Variants in MYZAP observed in about 807,000 individuals in gnomAD.
MYZAP encodes the protein GRINL1A complex locus upstream.
A neutral mutation model predicts 69.4 loss-of-function variants in MYZAP; 66 were observed. The ratio of observed to expected loss-of-function variants is 0.95; its 90% confidence interval spans 0.78 to 1.17. MYZAP has a LOEUF of 1.17. MYZAP is among the 50% of genes most tolerant of loss of function. The pLI is 0.00. For missense variants in MYZAP, 611 were observed against 556.2 expected, an observed-to-expected ratio of 1.10 and a Z score of -0.99; for synonymous variants, 256 against 205.9, an observed-to-expected ratio of 1.24 and a Z score of -2.09.
chr15:57,656,813 A>G (rs996191882), intron 10 of MYZAP, among the ~76,000 whole-genome samples: 5 of 152,232 alleles, frequency 3.3e-5, no homozygotes, highest in African/African-American at 1.2e-4. Context: ...ATAAAAGCAA[A>G]TCTGCACAGA....
rs143229680 is a variant in MYZAP, at chr15:57,611,402, C to T, written c.163-6631C>T. The stretch of plus-strand genomic sequence containing the variant: ...AAGGTTACCGAAGGTGTGTACTATA[C>T]CCCTGGGTTCCAGAAAAGCAGTTCC... On this transcript the variant is annotated intron_variant, in intron 2 of 12. Coordinates refer to ENST00000267853, the MANE Select transcript of MYZAP (RefSeq NM_001018100.5). Among the ~76,000 whole-genome samples the T allele has an allele frequency of 2.2e-3, 330 of 152,286 alleles. 2 individuals carry two copies. The highest frequency in any genetic ancestry group is 7.2e-3 in the African/African-American group (300 of 41,548).
At chr15:57,601,274 T>TTGTGTGTGTGTGTG (rs10679285) in intron 1 of MYZAP, among the ~76,000 whole-genome samples, 9 of 148,248 alleles carry the variant, frequency 6.1e-5, no homozygotes, top group African/African-American at 2.2e-4. Context: ...GTGTGCACAC[T>TTGTGTGTGTGTGTG]TGTGTGTGTG....
chr15:57,647,418 T>A (rs1483768692), intron 10 of MYZAP: 1 of 985,446 alleles, frequency 1.0e-6, no homozygotes. Flanking sequence ...ACGCCTTTAT[T>A]GCTGTAATGT....
At chr15:57,638,393 A>G (rs185148656) in intron 9 of MYZAP, among the ~76,000 whole-genome samples, 2 of 152,168 alleles carry the variant, frequency 1.3e-5, no homozygotes, top group Non-Finnish European at 2.9e-5. Context: ...GACGGGTATG[A>G]CGGTGATAAC....
rs1278596147 is a variant in MYZAP at position 57,684,936 on chromosome 15, G to A, written c.*438G>A. ...TTAGAGGCAGCGTTTCTCTGATACA[G>A]AGAGGCCTGTCCACAAGAAGCATGG... On this transcript the variant is annotated 3_prime_UTR_variant, in exon 13 of 13. Transcript: ENST00000267853. 6.5e-6 allele frequency: 1 copy of A among 154,738 alleles called. No individual in the cohort carries two copies. Among genetic ancestry groups the A allele is most frequent in the Admixed American group, 6.4e-5 (1 of 15,618 alleles). The allele number at this position is 154,738 out of a possible 1,614,324, so 9.6% of individuals were successfully genotyped here.
At position 57,633,671 on chromosome 15, in the gene MYZAP, C is replaced by T; in HGVS notation, c.863C>T (p.Ala288Val). 6.2e-7 allele frequency: 1 copy of T among 1,613,390 alleles called. No individual in the cohort carries two copies. Among genetic ancestry groups the T allele is most frequent in the Non-Finnish European group, 8.5e-7 (1 of 1,179,720 alleles). The change falls in exon 8 of 13, where the codon GCA becomes GTA. Residue 288 changes from alanine to valine, a missense_variant. Ala to Val is a moderately conservative substitution (Grantham distance 64, BLOSUM62 0). Coordinates refer to ENST00000267853, the MANE Select transcript of MYZAP (RefSeq NM_001018100.5). ...IEEANKKMQAAEISLEEKDQR... is the reference protein window; with the variant it reads ...IEEANKKMQAVEISLEEKDQR... ...GAAGCCAATAAAAAGATGCAAGCAGCAGAGATCAGCCTAGAGGAGAAAGAC... is the reference window on the plus strand; with the variant it reads ...GAAGCCAATAAAAAGATGCAAGCAGTAGAGATCAGCCTAGAGGAGAAAGAC...
At chr15:57,607,096 G>A (rs1394463145) in intron 2 of MYZAP, among the ~76,000 whole-genome samples, 1 of 152,214 alleles carries the variant, frequency 6.6e-6, no homozygotes, top group Non-Finnish European at 1.5e-5. Flanking sequence ...CTGTGTCCAG[G>A]TGCTCAGAGC....
At chr15:57,611,797 A>G (rs1595864402) in intron 2 of MYZAP, among the ~76,000 whole-genome samples, 1 of 152,138 alleles carries the variant, frequency 6.6e-6, no homozygotes, top group Non-Finnish European at 1.5e-5. Flanking sequence ...GGCTATTCCC[A>G]GGTGCAATCA....
Position 57,633,705 on chromosome 15 carries a change from C to T in MYZAP, c.897C>T (p.Ile299=), listed in dbSNP as rs771663802. ...GCCTAGAGGAGAAAGACCAGAGGAT[C>T]GGGGAGCTGGACAGGCTGATTGAGC... ...EISLEEKDQR[I]GELDRLIERM... Residue 299 remains isoleucine (I), a synonymous_variant, in exon 8 of 13, where the codon ATC becomes ATT. Transcript: ENST00000267853. The T allele has an allele frequency of 5.6e-6, 9 of 1,612,190 alleles. No individual in the cohort carries two copies. In the Admixed American group the frequency reaches 8.4e-5, roughly 15 times the overall value.
chr15:57,667,437 A>G lies in MYZAP; in HGVS notation c.1203+5904A>G, dbSNP rs1421959294. On this transcript the variant is annotated intron_variant, in intron 11 of 12. Transcript: ENST00000267853. ...CATTGGGTTGGTATTCGTTACACAT[A>G]TAAACACAAGGGGGTGGTGTTTGAA... 5.3e-5 allele frequency among the ~76,000 whole-genome samples: 8 copies of G among 152,210 alleles called. No individual in the cohort carries two copies. In the South Asian group the frequency reaches 1.7e-3, roughly 32 times the overall value.
At chr15:57,609,392 C>G (rs1010725793) in intron 2 of MYZAP, among the ~76,000 whole-genome samples, 1 of 152,188 alleles carries the variant, frequency 6.6e-6, no homozygotes, top group Non-Finnish European at 1.5e-5. Context: ...GAGAATTTTT[C>G]TTTGCCGCTT....
At chr15:57,612,312 C>T (rs1297204927) in intron 2 of MYZAP, among the ~76,000 whole-genome samples, 3 of 152,178 alleles carry the variant, frequency 2.0e-5, no homozygotes, top group Admixed American at 6.5e-5. Context: ...GCTGCCCCTC[C>T]TGGCTGGTGG....
intron 10 of MYZAP, chr15:57,648,193 T>A: frequency 4.1e-6 from 4 of 985,208 alleles, no homozygotes; most frequent in Non-Finnish European, 4.8e-6. Flanking sequence ...TGTGGCAGCC[T>A]TTTTTCTGTA....
At chr15:57,620,860 C>G (rs770364782) in intron 3 of MYZAP, among the ~76,000 whole-genome samples, 10 of 151,956 alleles carry the variant, frequency 6.6e-5, no homozygotes, top group Non-Finnish European at 8.8e-5. Flanking sequence ...GGGAAAAGGG[C>G]AAAACTTTGC....
At position 57,591,921 on chromosome 15, in the gene MYZAP, G is replaced by C; in HGVS notation, c.-114G>C. 9.7e-7 allele frequency: 1 copy of C among 1,027,938 alleles called. No homozygotes were observed. Among genetic ancestry groups the C allele is most frequent in the Non-Finnish European group, 1.2e-6 (1 of 812,044 alleles). 63.7% of individuals were successfully genotyped at this position (1,027,938 alleles called of 1,614,324 possible). On this transcript the variant is annotated 5_prime_UTR_variant, in exon 1 of 13. Coordinates refer to ENST00000267853, the MANE Select transcript of MYZAP (RefSeq NM_001018100.5). ...CCCCGGGCCTTCGCGGTGCAGCTGA[G>C]GCTGCAAGTAGCCGGCGCCGTCCCG...
At chr15:57,657,405 C>G (rs1167528505) in intron 10 of MYZAP, among the ~76,000 whole-genome samples, 1 of 152,116 alleles carries the variant, frequency 6.6e-6, no homozygotes, top group Admixed American at 6.5e-5. Context: ...GAAGTTTACA[C>G]AAAACAAACT....
chr15:57,679,472 T>C (rs547213256), intron 12 of MYZAP, among the ~76,000 whole-genome samples: 6 of 151,852 alleles, frequency 4.0e-5, no homozygotes, highest in Non-Finnish European at 8.8e-5. Context: ...CCCTGGGACC[T>C]CCTTAGAGCA....
At chr15:57,596,526 TG>T (rs1162856621) in intron 1 of MYZAP, among the ~76,000 whole-genome samples, 1 of 152,232 alleles carries the variant, frequency 6.6e-6, no homozygotes, top group Non-Finnish European at 1.5e-5. Context: ...CCCTCTTTGG[TG>T]AGTGATAGTT....
intron 3 of MYZAP, among the ~76,000 whole-genome samples, chr15:57,618,981 A>G (rs566599882): frequency 7.2e-5 from 11 of 152,236 alleles, no homozygotes; most frequent in Admixed American, 2.6e-4. Context: ...TAGGCCTGTG[A>G]GCTCACAGAC....
Sources: allele counts gnomAD v4.1 joint callset (sites outside exome capture counted in the v4.1 genomes callset), GRCh38; gene constraint gnomAD v4.1.1; transcripts MANE v1.5; gene names NCBI Gene and HGNC (gene_info 2026-07-23, HGNC 2026-07-21).